Variants in CNR2 observed in about 807,000 individuals in gnomAD.
The protein encoded by CNR2 is cannabinoid receptor 2.
For synonymous variants in CNR2, 172 were observed against 182.2 expected (o/e 0.94, Z 0.45); for missense variants, 379 against 439.9 (o/e 0.86, Z 1.24).
chr1:23,910,707 A>C (rs1479757491), intron 1 of CNR2, among the ~76,000 whole-genome samples: 2 of 151,806 alleles, frequency 1.3e-5, no homozygotes, highest in South Asian at 2.1e-4. Context: ...AACAAAACAA[A>C]AAAACAAAAA....
At chr1:23,902,601 A>G in intron 1 of CNR2, 1 of 1,605,066 alleles carries the variant, frequency 6.2e-7, no homozygotes, top group Non-Finnish European at 8.5e-7. Flanking sequence ...CATGGCATAG[A>G]AGACGGAGCT....
At chr1:23,895,707 A>G (rs9424400) in intron 1 of CNR2, among the ~76,000 whole-genome samples, 124,339 of 152,038 alleles carry the variant, frequency 0.82, 50,940 homozygotes, top group Admixed American at 0.84. Context: ...GGGGTTTCAT[A>G]TTGGCCAGGA....
intron 1 of CNR2, among the ~76,000 whole-genome samples, chr1:23,879,896 C>T (rs1046784399): frequency 1.3e-5 from 2 of 152,134 alleles, no homozygotes; most frequent in African/African-American, 2.4e-5. Context: ...GTCCCAAACC[C>T]TGCATAGCTC....
In CNR2 at chr1:23,898,772, C is replaced by T. The variant is rs188998807; in HGVS notation, c.-46+14474G>A. On this transcript the variant is annotated intron_variant, in intron 1 of 1. Coordinates refer to ENST00000374472, the MANE Select transcript of CNR2 (RefSeq NM_001841.3). ...GGTTCAAGTGATTTTCCTGCCTCAG[C>T]CTCCTGAGTAGCTGGGATTACAGAT... is the stretch of plus-strand genomic sequence containing the variant. Among the ~76,000 whole-genome samples, 114 of 149,200 alleles carry T rather than the reference C, an allele frequency of 7.6e-4. 1 individual carries two copies. In the East Asian group the frequency reaches 0.021, roughly 27 times the overall value.
In CNR2 at chr1:23,911,973, C is replaced by T. The variant is rs569224322; in HGVS notation, c.-46+1273G>A. Among the ~76,000 whole-genome samples, 6 of 152,254 alleles carry T rather than the reference C, an allele frequency of 3.9e-5. No homozygotes were observed. The East Asian group carries it at 1.2e-3, about 29-fold the overall frequency. On this transcript the variant is annotated intron_variant, in intron 1 of 1. Transcript: ENST00000374472. Reference sequence around the variant, plus strand: ...CTCATTCCAGGGAAAAGCAGCCAGGCCTCATTTTATCCTCATCTCAGATCC... The same window carrying T: ...CTCATTCCAGGGAAAAGCAGCCAGGTCTCATTTTATCCTCATCTCAGATCC...
chr1:23,887,747 T>C (rs780354538), intron 1 of CNR2, among the ~76,000 whole-genome samples: 10 of 151,860 alleles, frequency 6.6e-5, no homozygotes, highest in Non-Finnish European at 1.2e-4. Flanking sequence ...AATAATGGTA[T>C]AAGTAATAAT....
At chr1:23,897,701 C>A (rs918801890) in intron 1 of CNR2, among the ~76,000 whole-genome samples, 3 of 152,098 alleles carry the variant, frequency 2.0e-5, no homozygotes, top group Non-Finnish European at 2.9e-5. Context: ...ACCTTGTGAT[C>A]CACCCGCCTT....
intron 1 of CNR2, among the ~76,000 whole-genome samples, chr1:23,894,621 G>T (rs1338684382): frequency 8.3e-6 from 1 of 120,930 alleles, no homozygotes; most frequent in Non-Finnish European, 1.6e-5. Flanking sequence ...GGCCAACACC[G>T]TGAAACCCCA....
At position 23,886,689 on chromosome 1, in the gene CNR2, C is replaced by T. The variant is rs552251734; in HGVS notation, c.-45-11027G>A. Among the ~76,000 whole-genome samples, 28 of 152,282 alleles carry T rather than the reference C, an allele frequency of 1.8e-4. 1 individual carries two copies. The South Asian group carries it at 5.0e-3, about 27-fold the overall frequency. ...GTTCCTCTAGGAACAGATTGAAAAACCTCTCTTCTAATCCAACGCCATCAT... is the reference window on the plus strand; with the variant it reads ...GTTCCTCTAGGAACAGATTGAAAAATCTCTCTTCTAATCCAACGCCATCAT... On this transcript the variant is annotated intron_variant, in intron 1 of 1. Transcript: ENST00000374472.
intron 1 of CNR2, chr1:23,902,800 C>G: frequency 2.8e-6 from 4 of 1,418,098 alleles, no homozygotes; most frequent in Non-Finnish European, 3.7e-6. Context: ...CGGGCGCGGG[C>G]GCGGGGGCGC....
chr1:23,880,453 C>T (rs1390022685), intron 1 of CNR2, among the ~76,000 whole-genome samples: 2 of 152,148 alleles, frequency 1.3e-5, no homozygotes, highest in East Asian at 1.9e-4. Context: ...GGATTACAGG[C>T]ATGAGCCACT....
rs1356049636 is a variant in CNR2, at chr1:23,870,853, A to G, written c.*3682T>C. On this transcript the variant is annotated 3_prime_UTR_variant, in exon 2 of 2. Coordinates refer to ENST00000374472, the MANE Select transcript of CNR2 (RefSeq NM_001841.3). Reference sequence around the variant, plus strand: ...CCTCCCTCATAAGCTCTGCTTCTCCACTTAAAGCAGACATAGGGGCTGGGA... The same window carrying G: ...CCTCCCTCATAAGCTCTGCTTCTCCGCTTAAAGCAGACATAGGGGCTGGGA... 1 of 152,128 alleles carries G rather than the reference A, an allele frequency of 6.6e-6. No homozygotes were observed. Among genetic ancestry groups the G allele is most frequent in the Non-Finnish European group, 1.5e-5 (1 of 68,050 alleles). The allele number at this position is 152,128 out of a possible 1,614,324, so 9.4% of individuals were successfully genotyped here. A position where few individuals can be genotyped will look rare whatever the true frequency, so the allele number is the denominator to read the frequency against.
At chr1:23,889,809 C>T (rs938416709) in intron 1 of CNR2, among the ~76,000 whole-genome samples, 3 of 152,226 alleles carry the variant, frequency 2.0e-5, no homozygotes, top group African/African-American at 7.2e-5. Flanking sequence ...CTGCACCTCT[C>T]TGAGCCTCTG....
At chr1:23,895,237 T>G (rs1162162002) in intron 1 of CNR2, among the ~76,000 whole-genome samples, 2 of 152,086 alleles carry the variant, frequency 1.3e-5, no homozygotes, top group Non-Finnish European at 2.9e-5. Flanking sequence ...AAAAGAAATC[T>G]GCCAACAGGA....
At chr1:23,888,640 G>A (rs16828926) in intron 1 of CNR2, among the ~76,000 whole-genome samples, 18,011 of 152,026 alleles carry the variant, frequency 0.12, 1,361 homozygotes, top group East Asian at 0.33. Flanking sequence ...AAAGAGAAGC[G>A]GGAGTCTTTC....
chr1:23,882,125 A>G (rs1053425742), intron 1 of CNR2, among the ~76,000 whole-genome samples: 6 of 151,862 alleles, frequency 4.0e-5, no homozygotes, highest in African/African-American at 1.4e-4. Context: ...GTTTCACCAT[A>G]CTGGCCAGGC....
intron 1 of CNR2, chr1:23,901,614 T>C (rs1487588812): frequency 1.7e-5 from 27 of 1,602,368 alleles, no homozygotes; most frequent in Non-Finnish European, 2.2e-5. Context: ...CTGAGGTTGC[T>C]GCCGTCCAGA....
chr1:23,878,836 A>G (rs1438103121), intron 1 of CNR2, among the ~76,000 whole-genome samples: 1 of 152,240 alleles, frequency 6.6e-6, no homozygotes, highest in Non-Finnish European at 1.5e-5. Context: ...ATTTCTGATC[A>G]GCAACAATAG....
chr1:23,908,456 T>C (rs1308925562), intron 1 of CNR2, among the ~76,000 whole-genome samples: 2 of 152,148 alleles, frequency 1.3e-5, no homozygotes, highest in African/African-American at 2.4e-5. Context: ...AGATCTCACA[T>C]TGAGAAAAAA....
Sources: allele counts gnomAD v4.1 joint callset (sites outside exome capture counted in the v4.1 genomes callset), GRCh38; gene constraint gnomAD v4.1.1; transcripts MANE v1.5; gene names NCBI Gene and HGNC (gene_info 2026-07-23, HGNC 2026-07-21).